Variants in PDE4C observed in about 807,000 individuals in gnomAD.
PDE4C encodes the protein phosphodiesterase 4C, also known as 3',5'-cyclic-AMP phosphodiesterase 4C.
In PDE4C, 50 loss-of-function variants were observed where a neutral mutation model predicts 63.9. The ratio of observed to expected loss-of-function variants is 0.78; its 90% CI spans 0.62 to 0.99. The LOEUF (loss-of-function observed/expected upper bound fraction) is 0.99. Among genes scored for constraint, PDE4C ranks in the 50% least tolerant of loss-of-function variants. The pLI is 0.00. For missense variants in PDE4C, 777 were observed against 899.1 expected, an observed-to-expected ratio of 0.86 and a Z score of 1.74; for synonymous variants, 377 against 385.1, an observed-to-expected ratio of 0.98 and a Z score of 0.25.
rs779602897 is a variant in PDE4C, at chr19:18,218,278, G to T, written c.1135-30C>A. ...GCAGGCAGAGGGCACAGGCGGTGAG[G>T]GGCGGGTTCTCTGGGCCCTGCACCC... On this transcript the variant is annotated intron_variant, in intron 10 of 14. Transcript: ENST00000262805. The T allele has an allele frequency of 1.9e-6, 3 of 1,613,486 alleles. No homozygotes were observed. In the South Asian group the frequency reaches 3.3e-5, roughly 18 times the overall value.
At chr19:18,231,027 C>G (rs1444742620), upstream of PDE4C, among the ~76,000 whole-genome samples, 1 of 152,162 alleles carries the variant, frequency 6.6e-6, no homozygotes, top group East Asian at 1.9e-4. Flanking sequence ...AAGCTGGGGA[C>G]CCAGTGTGTA....
intron 2 of PDE4C, among the ~76,000 whole-genome samples, chr19:18,221,716 C>T (rs1968492889): frequency 6.6e-6 from 1 of 152,130 alleles, no homozygotes; most frequent in Non-Finnish European, 1.5e-5. Context: ...CCTCCGCCTC[C>T]TGGGTTCAAG....
upstream of PDE4C, among the ~76,000 whole-genome samples, chr19:18,237,704 C>T (rs1274637171): frequency 6.6e-6 from 1 of 151,744 alleles, no homozygotes; most frequent in African/African-American, 2.4e-5. Context: ...GACCCTGTCT[C>T]GACTAAAAAT....
chr19:18,255,021 G>C, the PDE4C span, among the ~76,000 whole-genome samples: 1 of 152,222 alleles, frequency 6.6e-6, no homozygotes, highest in South Asian at 2.1e-4. This position sits in a 1 kb window ranked among gnomAD's most constrained non-coding sequence, Gnocchi z 4.6. Flanking sequence ...ACAGCCCCAG[G>C]GCTTGGGAGC....
intron 1 of PDE4C, among the ~76,000 whole-genome samples, chr19:18,241,098 G>A: frequency 6.6e-6 from 1 of 152,038 alleles, no homozygotes; most frequent in East Asian, 1.9e-4. Flanking sequence ...CTCTACAAGA[G>A]GCCTCCCTCG....
downstream of PDE4C, chr19:18,209,437 G>C (rs1183069231): frequency 6.6e-6 from 1 of 151,968 alleles, no homozygotes; most frequent in South Asian, 2.1e-4. Flanking sequence ...TTTTAGTAGA[G>C]ATGGGGTTTC....
intron 1 of PDE4C, among the ~76,000 whole-genome samples, chr19:18,232,029 C>A (rs972998985): frequency 2.6e-5 from 4 of 151,992 alleles, no homozygotes; most frequent in Non-Finnish European, 5.9e-5. Flanking sequence ...ACTCCTCCCC[C>A]CAACACTGGA....
chr19:18,240,470 A>G lies in PDE4C; in HGVS notation c.-209-7070T>C, dbSNP rs1219634432. On this transcript the variant is annotated intron_variant, in intron 1 of 15. Coordinates refer to the PDE4C transcript ENST00000594617. The stretch of plus-strand genomic sequence containing the variant: ...GGGCTGGGCACGGTGGCTCATGCCT[A>G]TAATCCCAGCACTTTGGGAAGCCGA... Among the ~76,000 whole-genome samples, 3 of 150,020 alleles carry G rather than the reference A, an allele frequency of 2.0e-5. No individual in the cohort carries two copies. The East Asian group carries it at 5.9e-4, about 29-fold the overall frequency.
At chr19:18,224,438 T>G in intron 1 of PDE4C, 1 of 985,522 alleles carries the variant, frequency 1.0e-6, no homozygotes. Flanking sequence ...GGTGGGGGAT[T>G]TGGCAGCATT....
chr19:18,228,051 C>T (rs767523512), upstream of PDE4C, among the ~76,000 whole-genome samples: 29 of 152,228 alleles, frequency 1.9e-4, no homozygotes, highest in Non-Finnish European at 3.4e-4. Context: ...CTCGCTGTCC[C>T]CAAGACAAAA....
exon 2 of PDE4C, chr19:18,222,173 C>T (rs375157070): frequency 2.5e-5 from 41 of 1,613,858 alleles, no homozygotes; most frequent in Admixed American, 5.0e-5. Context: ...TGGCCTTGGG[C>T]GAGAGTTCAT....
At chr19:18,216,802 T>C (rs781078768) in exon 12 of PDE4C, 4 of 1,613,974 alleles carry the variant, frequency 2.5e-6, no homozygotes, top group East Asian at 4.5e-5. Flanking sequence ...CTGGAAGATA[T>C]CGCAGTTCTC....
At chr19:18,237,278 G>A (rs73001463), upstream of PDE4C, among the ~76,000 whole-genome samples, 17 of 151,816 alleles carry the variant, frequency 1.1e-4, no homozygotes, top group Non-Finnish European at 2.9e-5. Context: ...CAGGCCAGGC[G>A]CTGTGGCTCG....
At chr19:18,222,162 A>T in exon 2 of PDE4C, 1 of 1,613,748 alleles carries the variant, frequency 6.2e-7, no homozygotes, top group South Asian at 1.1e-5. Flanking sequence ...GTTCCGAGAC[A>T]TGGCCTTGGG....
intron 8 of PDE4C, 38 bp downstream of exon 8, chr19:18,219,196 A>C: frequency 1.2e-6 from 2 of 1,613,578 alleles, no homozygotes; most frequent in South Asian, 2.2e-5. Flanking sequence ...AGAGCCAGGG[A>C]CCAAACCTTG....
At chr19:18,233,204 G>T in exon 1 of PDE4C, 1 of 1,555,872 alleles carries the variant, frequency 6.4e-7, no homozygotes, top group East Asian at 2.4e-5. Context: ...GCCAGAGAAA[G>T]GGGTCTGGGA....
At chr19:18,236,092 G>A (rs1968946333), upstream of PDE4C, among the ~76,000 whole-genome samples, 1 of 151,086 alleles carries the variant, frequency 6.6e-6, no homozygotes, top group South Asian at 2.1e-4. Context: ...ACAGGCACCC[G>A]CCACTACGCC....
exon 10 of PDE4C, chr19:18,218,424 G>A: frequency 6.2e-7 from 1 of 1,614,240 alleles, no homozygotes; most frequent in Non-Finnish European, 8.5e-7. Context: ...TGGCGTGGTA[G>A]TGACCTTCCA....
At chr19:18,208,430 G>GT (rs1916099628), downstream of PDE4C, 1 of 152,250 alleles carries the variant, frequency 6.6e-6, no homozygotes, top group Non-Finnish European at 1.5e-5. Context: ...GCGAGGTGCG[G>GT]TAAGTGGGAC....
Sources: gnomAD v4.1 joint callset for allele counts (sites outside exome capture counted in the v4.1 genomes callset) on GRCh38, gnomAD v4.1.1 for gene constraint, Gnocchi (gnomAD v3.1) non-coding constraint, MANE v1.5 for transcripts, NCBI Gene and HGNC (gene_info 2026-07-23, HGNC 2026-07-21) for gene names.